SYN3: variants seen among roughly 807,000 people sequenced by gnomAD.
The protein encoded by SYN3 is synapsin-3.
A neutral mutation model predicts 65.8 loss-of-function variants in SYN3; 35 were observed. The observed-to-expected ratio is 0.53, with a 90% CI of 0.41 to 0.70. The LOEUF (loss-of-function observed/expected upper bound fraction) is 0.70, where lower values mean the gene tolerates loss of function less well. Ranked by LOEUF, SYN3 falls within the 30% of genes least tolerant of loss-of-function variation. The pLI is 0.00. For synonymous variants in SYN3, 270 were observed against 292.9 expected (o/e 0.92, Z 0.80); for missense variants, 680 against 749.0 (o/e 0.91, Z 1.08).
chr22:32,685,892 T>A (rs2060582523), intron 6 of SYN3, among the ~76,000 whole-genome samples: 1 of 152,208 alleles, frequency 6.6e-6, no homozygotes, highest in Non-Finnish European at 1.5e-5. Flanking sequence ...AATTATATAG[T>A]CTTTCCAAAT....
Position 32,560,233 on chromosome 22 carries a change from C to A in SYN3, c.775-18520G>T, listed in dbSNP as rs548449264. Among the ~76,000 whole-genome samples, 7 of 152,360 alleles carry A rather than the reference C, an allele frequency of 4.6e-5. No individual in the cohort carries two copies. The East Asian group carries it at 1.4e-3, about 29-fold the overall frequency. ...CTTCCAAGTGTACTTTACTTCGTTTCATTCCTGCTCTAAAGCTTTTAAATA... is the reference window on the plus strand; with the variant it reads ...CTTCCAAGTGTACTTTACTTCGTTTAATTCCTGCTCTAAAGCTTTTAAATA... On this transcript the variant is annotated intron_variant, in intron 7 of 13. Coordinates refer to ENST00000358763, the MANE Select transcript of SYN3 (RefSeq NM_003490.4).
intron 6 of SYN3, among the ~76,000 whole-genome samples, chr22:32,675,632 CT>C (rs750921837): frequency 8.9e-4 from 135 of 152,292 alleles, no homozygotes; most frequent in Non-Finnish European, 1.6e-3. Flanking sequence ...AGATGAGTCA[CT>C]GCTCTGGGGG....
At chr22:32,845,355 G>C (rs539316872) in intron 6 of SYN3, among the ~76,000 whole-genome samples, 1 of 152,000 alleles carries the variant, frequency 6.6e-6, no homozygotes, top group Non-Finnish European at 1.5e-5. Flanking sequence ...CCCATGCCCA[G>C]CTAATTTTTG....
In SYN3 at chr22:32,527,960, C is replaced by G; in HGVS notation, c.1276G>C (p.Gly426Arg). The change falls in exon 12 of 14, where the codon GGG becomes CGG. Residue 426 changes from glycine (G) to arginine (R), a missense_variant. Physicochemically the swap from Gly to Arg is moderately radical, Grantham distance 125. Transcript: ENST00000358763. ...GGCTGGGGCTGGCCTAGCTGAGGCC[C>G]CAGCTGGGCTTGCCCTGGGGATTTC... is the stretch of plus-strand genomic sequence containing the variant. Reference protein sequence around the residue: ...SAKSPGQAQLGPQLGQPQPRP... With the variant: ...SAKSPGQAQLRPQLGQPQPRP... 6.3e-7 allele frequency: 1 copy of G among 1,592,054 alleles called. No individual in the cohort carries two copies. Among genetic ancestry groups the G allele is most frequent in the Non-Finnish European group, 8.6e-7 (1 of 1,168,170 alleles).
intron 6 of SYN3, among the ~76,000 whole-genome samples, chr22:32,813,172 T>C (rs1165943363): frequency 6.6e-6 from 1 of 152,198 alleles, no homozygotes; most frequent in African/African-American, 2.4e-5. Flanking sequence ...CAAATATGTT[T>C]ATGGTTCCCC....
chr22:32,802,003 T>C (rs1379487307), intron 6 of SYN3: 1 of 1,585,266 alleles, frequency 6.3e-7, no homozygotes, highest in African/African-American at 1.3e-5. Context: ...GCAGCGGCAA[T>C]GACCCCTTGG....
rs2059495967 is a variant in SYN3 at position 32,615,018 on chromosome 22, A to G, written c.712-18282T>C. Among the ~76,000 whole-genome samples, 4 of 152,168 alleles carry G rather than the reference A, an allele frequency of 2.6e-5. No individual in the cohort carries two copies. In the South Asian group the frequency reaches 8.3e-4, roughly 31 times the overall value. ...ATGGGGAAGAATAATTGGAAAGTAA[A>G]AAATTACCCCCACCGTGGTTGGGAG... On this transcript the variant is annotated intron_variant, in intron 6 of 13. Coordinates refer to ENST00000358763, the MANE Select transcript of SYN3 (RefSeq NM_003490.4).
At chr22:33,016,476 T>C (rs1424811147) in intron 1 of SYN3, among the ~76,000 whole-genome samples, 1 of 152,218 alleles carries the variant, frequency 6.6e-6, no homozygotes, top group Non-Finnish European at 1.5e-5. Flanking sequence ...AATAATGTCA[T>C]TCTATTATTT....
intron 6 of SYN3, among the ~76,000 whole-genome samples, chr22:32,785,634 T>A (rs2046174471): frequency 6.6e-6 from 1 of 152,240 alleles, no homozygotes; most frequent in South Asian, 2.1e-4. Flanking sequence ...GAGAGTGTTT[T>A]CTCAGATTAA....
chr22:32,955,080 G>T (rs991974797), intron 3 of SYN3, among the ~76,000 whole-genome samples: 4 of 151,000 alleles, frequency 2.6e-5, no homozygotes, highest in African/African-American at 9.8e-5. Flanking sequence ...TAGAACTACT[G>T]TCTCCCTGTA....
chr22:32,996,084 A>G (rs887566162), intron 2 of SYN3, among the ~76,000 whole-genome samples: 1 of 152,142 alleles, frequency 6.6e-6, no homozygotes, highest in Non-Finnish European at 1.5e-5. Context: ...ATATTTTCTA[A>G]GACTCTCTTC....
chr22:32,948,127 C>T (rs1159509832), intron 3 of SYN3, among the ~76,000 whole-genome samples: 7 of 152,176 alleles, frequency 4.6e-5, no homozygotes, highest in Non-Finnish European at 2.9e-5. Context: ...TCTTGTCTGC[C>T]ACATCTCCAT....
chr22:32,916,292 A>G (rs753835863), intron 4 of SYN3, among the ~76,000 whole-genome samples: 2 of 152,234 alleles, frequency 1.3e-5, no homozygotes, highest in Non-Finnish European at 2.9e-5. Flanking sequence ...TTCCTGGCCC[A>G]CAGATTGAAA....
chr22:32,952,615 G>A (rs542158049), intron 3 of SYN3, among the ~76,000 whole-genome samples: 1 of 152,140 alleles, frequency 6.6e-6, no homozygotes, highest in African/African-American at 2.4e-5. Flanking sequence ...AATCAGCCAG[G>A]TGTGGTGGTG....
At chr22:32,564,965 C>G (rs1380804610) in intron 7 of SYN3, among the ~76,000 whole-genome samples, 1 of 147,652 alleles carries the variant, frequency 6.8e-6, no homozygotes, top group Middle Eastern at 3.8e-3. Flanking sequence ...GGACTGCACC[C>G]AAACAGTGCT....
At chr22:32,852,779 G>C (rs191833785) in intron 6 of SYN3, among the ~76,000 whole-genome samples, 2 of 152,330 alleles carry the variant, frequency 1.3e-5, no homozygotes, top group Admixed American at 6.5e-5. Context: ...AATGTTGAGA[G>C]AGCTTATTGC....
chr22:32,907,855 C>T (rs1193974001), intron 4 of SYN3, among the ~76,000 whole-genome samples: 1 of 152,108 alleles, frequency 6.6e-6, no homozygotes, highest in Non-Finnish European at 1.5e-5. Flanking sequence ...GGGTAACTAA[C>T]GATTATAGAG....
In SYN3 at chr22:32,537,355, C is replaced by G. The variant is rs908334292; in HGVS notation, c.992+681G>C. ...TGTATCTGTAGTAGAGATGGGGTTT[C>G]ACCATGTTGGCCAGGCTGGTCTTGA... On this transcript the variant is annotated intron_variant, in intron 9 of 13. Transcript: ENST00000358763. Among the ~76,000 whole-genome samples the G allele has an allele frequency of 3.3e-5, 5 of 152,084 alleles. 1 individual carries two copies. Among genetic ancestry groups the G allele is most frequent in the South Asian group, 4.2e-4 (2 of 4,812 alleles).
At chr22:32,587,093 G>A (rs2059056123) in intron 7 of SYN3, among the ~76,000 whole-genome samples, 1 of 151,908 alleles carries the variant, frequency 6.6e-6, no homozygotes, top group African/African-American at 2.4e-5. Flanking sequence ...ATGGTGGCCT[G>A]CGTCTGTAGT....
Sources: allele counts gnomAD v4.1 joint callset (sites outside exome capture counted in the v4.1 genomes callset), GRCh38; gene constraint gnomAD v4.1.1; transcripts MANE v1.5; gene names NCBI Gene and HGNC (gene_info 2026-07-23, HGNC 2026-07-21).